Variants in STIM2 observed in about 807,000 individuals in gnomAD.
The protein encoded by STIM2 is stromal interaction molecule 2.
In STIM2, 31 loss-of-function variants were observed where a neutral mutation model predicts 85.8. The observed-to-expected ratio is 0.36, with a 90% CI of 0.27 to 0.49. The LOEUF (loss-of-function observed/expected upper bound fraction) is 0.49. Ranked by LOEUF, STIM2 falls within the 20% of genes least tolerant of loss-of-function variation. STIM2 has a pLI of 0.98. For missense variants in STIM2, 841 were observed against 927.6 expected (o/e 0.91, Z 1.21); for synonymous variants, 356 against 331.1 (o/e 1.08, Z -0.82).
chr4:26,963,686 C>CT (rs1402110707), intron 3 of STIM2, among the ~76,000 whole-genome samples: 1 of 152,076 alleles, frequency 6.6e-6, no homozygotes, highest in Non-Finnish European at 1.5e-5. Context: ...TTGCAGGAAT[C>CT]TAAGAGAATG....
intron 2 of STIM2, among the ~76,000 whole-genome samples, chr4:26,947,051 G>A (rs183813169): frequency 4.6e-5 from 7 of 152,304 alleles, no homozygotes; most frequent in Admixed American, 3.9e-4. Flanking sequence ...GAGCTAAATG[G>A]TTTTAAGGTT....
intron 1 of STIM2, among the ~76,000 whole-genome samples, chr4:26,868,058 T>C (rs1329920964): frequency 6.6e-6 from 1 of 152,248 alleles, no homozygotes; most frequent in African/African-American, 2.4e-5. Flanking sequence ...ATTTCCTTTC[T>C]ACTAGGCTTT....
intron 1 of STIM2, among the ~76,000 whole-genome samples, chr4:26,865,567 T>C (rs1323878053): frequency 1.3e-5 from 2 of 152,184 alleles, no homozygotes; most frequent in Non-Finnish European, 2.9e-5. Flanking sequence ...TTGATGATAA[T>C]TGTGGTGTGA....
At chr4:26,987,178 A>G (rs1727611222) in intron 3 of STIM2, among the ~76,000 whole-genome samples, 1 of 152,038 alleles carries the variant, frequency 6.6e-6, no homozygotes, top group Admixed American at 6.6e-5. Context: ...ATTGGTGGCT[A>G]TTTTCACCCC....
chr4:26,879,212 G>A (rs1722916291), intron 1 of STIM2, among the ~76,000 whole-genome samples: 1 of 152,118 alleles, frequency 6.6e-6, no homozygotes, highest in Admixed American at 6.5e-5. Flanking sequence ...ACTTAATTAT[G>A]TAATCGACAT....
At chr4:26,894,063 A>G (rs1723604551) in intron 1 of STIM2, among the ~76,000 whole-genome samples, 1 of 151,766 alleles carries the variant, frequency 6.6e-6, no homozygotes, top group Non-Finnish European at 1.5e-5. Flanking sequence ...TAATTTTTAT[A>G]TTTTCAGTAA....
chr4:26,872,412 A>G (rs1722657567), intron 1 of STIM2, among the ~76,000 whole-genome samples: 3 of 152,238 alleles, frequency 2.0e-5, no homozygotes, highest in African/African-American at 7.2e-5. Context: ...AGACTTTAAA[A>G]TCTTTAATTT....
At chr4:26,893,938 G>T (rs1232088953) in intron 1 of STIM2, among the ~76,000 whole-genome samples, 1 of 152,052 alleles carries the variant, frequency 6.6e-6, no homozygotes, top group East Asian at 1.9e-4. Context: ...GCCCAGGCTA[G>T]AGTGCAGTGG....
chr4:26,878,734 C>T (rs1225368155), intron 1 of STIM2, among the ~76,000 whole-genome samples: 4 of 152,154 alleles, frequency 2.6e-5, no homozygotes, highest in Admixed American at 2.6e-4. Context: ...TTAACTGACT[C>T]ACATTTCCAC....
intron 3 of STIM2, among the ~76,000 whole-genome samples, chr4:26,982,674 A>G (rs955001738): frequency 2.0e-5 from 3 of 152,226 alleles, no homozygotes; most frequent in Non-Finnish European, 2.9e-5. Flanking sequence ...ATTGCTGTTT[A>G]GAAACCAAGA....
At chr4:26,900,827 A>G (rs1461764260) in intron 1 of STIM2, among the ~76,000 whole-genome samples, 2 of 152,196 alleles carry the variant, frequency 1.3e-5, no homozygotes, top group South Asian at 2.1e-4. Flanking sequence ...CAGTGTTTGT[A>G]GTGTCTTATC....
intron 10 of STIM2, among the ~76,000 whole-genome samples, chr4:27,015,827 G>T (rs1577499007): frequency 1.5e-5 from 2 of 133,222 alleles, no homozygotes; most frequent in Non-Finnish European, 1.6e-5. Context: ...TGTGTTTCTT[G>T]AATCTGAAGG....
intron 3 of STIM2, among the ~76,000 whole-genome samples, chr4:26,981,091 A>T (rs115698357): frequency 8.4e-4 from 128 of 152,336 alleles, no homozygotes; most frequent in African/African-American, 3.0e-3. Flanking sequence ...TCCAAAAGTG[A>T]GTAAGAATGC....
chr4:26,947,639 C>T (rs1333064247), intron 2 of STIM2, among the ~76,000 whole-genome samples: 2 of 152,156 alleles, frequency 1.3e-5, no homozygotes, highest in African/African-American at 2.4e-5. Flanking sequence ...AGGGCCAACA[C>T]GTGAGACCCC....
In STIM2 at chr4:26,861,024, G is replaced by C; in HGVS notation, c.-195G>C. ...CGATGGGACCAGGCTGGCGCCCGGC[G>C]GGAGCCCGTGTCTGAGGCGGCGGGG... is the stretch of plus-strand genomic sequence containing the variant. On this transcript the variant is annotated 5_prime_UTR_variant, in exon 1 of 12. Transcript: ENST00000467087. 8.1e-7 allele frequency: 1 copy of C among 1,241,530 alleles called. No individual in the cohort carries two copies. Among genetic ancestry groups the C allele is most frequent in the Non-Finnish European group, 1.0e-6 (1 of 985,822 alleles). 76.9% of individuals were successfully genotyped at this position (1,241,530 alleles called of 1,614,324 possible).
chr4:26,894,509 C>T (rs1472493700), intron 1 of STIM2, among the ~76,000 whole-genome samples: 3 of 150,302 alleles, frequency 2.0e-5, no homozygotes, highest in South Asian at 2.1e-4. Context: ...TTTTTCCTTC[C>T]GTGTGGATGT....
chr4:26,930,828 T>C (rs146825630), intron 2 of STIM2, among the ~76,000 whole-genome samples: 4 of 152,330 alleles, frequency 2.6e-5, no homozygotes, highest in African/African-American at 9.6e-5. Flanking sequence ...TTTTAACTTA[T>C]GTGTTAGTTT....
At chr4:26,928,664 G>A (rs1273696120) in intron 2 of STIM2, among the ~76,000 whole-genome samples, 4 of 152,056 alleles carry the variant, frequency 2.6e-5, no homozygotes, top group Non-Finnish European at 5.9e-5. Flanking sequence ...ATGCACCAGC[G>A]TTTATCAGAT....
intron 1 of STIM2, among the ~76,000 whole-genome samples, chr4:26,904,778 A>G (rs1724057916): frequency 6.6e-6 from 1 of 150,510 alleles, no homozygotes; most frequent in East Asian, 1.9e-4. Flanking sequence ...TTTTTTTTTA[A>G]AGGATGGGAG....
Sources: gnomAD v4.1 joint callset for allele counts (sites outside exome capture counted in the v4.1 genomes callset) on GRCh38, gnomAD v4.1.1 for gene constraint, MANE v1.5 for transcripts, NCBI Gene and HGNC (gene_info 2026-07-23, HGNC 2026-07-21) for gene names.